The following RIT2 variants were observed in gnomAD, a reference collection of about 807,000 sequenced individuals.
RIT2 encodes the protein Ras like without CAAX 2.
Under a neutral mutation model 23.7 loss-of-function variants are expected in RIT2, and 24 were observed. That is an observed-to-expected ratio of 1.01 (90% CI 0.73 to 1.43). The LOEUF is 1.43. Ranked by LOEUF, RIT2 falls within the 40% of genes most tolerant of loss-of-function variation. The pLI is 0.00. For missense variants in RIT2, 236 were observed against 266.9 expected, an observed-to-expected ratio of 0.88 and a Z score of 0.81; for synonymous variants, 107 against 91.1, an observed-to-expected ratio of 1.17 and a Z score of -0.99.
chr18:43,061,149 G>T (rs1235542207), intron 1 of RIT2, among the ~76,000 whole-genome samples: 1 of 152,072 alleles, frequency 6.6e-6, no homozygotes, highest in Admixed American at 6.6e-5. Context: ...TTTCAAGTTT[G>T]CCAGATTCTA....
At chr18:42,935,635 A>G (rs1053476516) in intron 3 of RIT2, among the ~76,000 whole-genome samples, 1 of 152,136 alleles carries the variant, frequency 6.6e-6, no homozygotes, top group African/African-American at 2.4e-5. Context: ...AAGATATTAG[A>G]CATATTGTTA....
intron 4 of RIT2, among the ~76,000 whole-genome samples, chr18:42,868,911 T>C (rs1215868745): frequency 6.6e-6 from 1 of 152,184 alleles, no homozygotes; most frequent in East Asian, 1.9e-4. Flanking sequence ...CTGTGACAGA[T>C]GACAGTCCGG....
intron 1 of RIT2, among the ~76,000 whole-genome samples, chr18:43,086,205 T>A (rs936277980): frequency 1.3e-5 from 2 of 152,082 alleles, no homozygotes; most frequent in African/African-American, 4.8e-5. Flanking sequence ...ATCTTTTGAG[T>A]GTCATGTTAA....
chr18:42,869,856 A>G (rs1462491154), intron 4 of RIT2, among the ~76,000 whole-genome samples: 2 of 152,196 alleles, frequency 1.3e-5, no homozygotes, highest in Non-Finnish European at 2.9e-5. Flanking sequence ...GGGAAAGCTT[A>G]AAGGATAATG....
chr18:42,986,690 C>T (rs921592101), intron 2 of RIT2, among the ~76,000 whole-genome samples: 3 of 151,464 alleles, frequency 2.0e-5, no homozygotes, highest in East Asian at 2.0e-4. Flanking sequence ...TTAGTTGAGA[C>T]GAGGTTTCAC....
At chr18:43,026,456 A>C (rs559211071) in intron 2 of RIT2, among the ~76,000 whole-genome samples, 1 of 151,962 alleles carries the variant, frequency 6.6e-6, no homozygotes, top group Non-Finnish European at 1.5e-5. Context: ...TGGAAGGCTG[A>C]AGTAGGAGAA....
intron 4 of RIT2, among the ~76,000 whole-genome samples, chr18:42,922,375 C>T (rs942826332): frequency 6.6e-6 from 1 of 151,966 alleles, no homozygotes; most frequent in Non-Finnish European, 1.5e-5. Flanking sequence ...AATAGGCTAA[C>T]AATAAATCAT....
intron 4 of RIT2, among the ~76,000 whole-genome samples, chr18:42,868,645 T>C (rs1041872175): frequency 2.0e-5 from 3 of 152,010 alleles, no homozygotes; most frequent in African/African-American, 7.3e-5. Flanking sequence ...TATATGGAGG[T>C]GGAATATACA....
chr18:42,993,718 C>G (rs1229046284), intron 2 of RIT2, among the ~76,000 whole-genome samples: 1 of 152,036 alleles, frequency 6.6e-6, no homozygotes, highest in African/African-American at 2.4e-5. Flanking sequence ...ACCTTTCCCC[C>G]AGTTCAAAGC....
At position 42,985,486 on chromosome 18, in the gene RIT2, C is replaced by T. The variant is rs538200542; in HGVS notation, c.161-11339G>A. Among the ~76,000 whole-genome samples the T allele has an allele frequency of 2.6e-5, 4 of 152,168 alleles. No individual in the cohort carries two copies. The South Asian group carries it at 6.2e-4, about 24-fold the overall frequency. ...TCTTGGAAAAGGACAACAAGCTCTA[C>T]CATGTATTAAGACTTACTGTTAATT... is the stretch of plus-strand genomic sequence containing the variant. On this transcript the variant is annotated intron_variant, in intron 2 of 4. Coordinates refer to ENST00000326695, the MANE Select transcript of RIT2 (RefSeq NM_002930.4).
intron 4 of RIT2, among the ~76,000 whole-genome samples, chr18:42,813,554 A>G (rs889608071): frequency 3.3e-5 from 5 of 152,222 alleles, no homozygotes; most frequent in Non-Finnish European, 7.3e-5. Flanking sequence ...ACAGCCATAT[A>G]AGTCAATACT....
chr18:42,760,107 T>C (rs889490445), intron 4 of RIT2, among the ~76,000 whole-genome samples: 2 of 152,152 alleles, frequency 1.3e-5, no homozygotes, highest in Admixed American at 1.3e-4. Context: ...TCTCTAAGTG[T>C]CTTTGATAAT....
chr18:42,777,238 A>G (rs1209151865), intron 4 of RIT2, among the ~76,000 whole-genome samples: 1 of 151,248 alleles, frequency 6.6e-6, no homozygotes, highest in Non-Finnish European at 1.5e-5. Context: ...CTTCCAATGG[A>G]GAAGAAGAAA....
chr18:43,104,513 C>T (rs1002344760), intron 1 of RIT2, among the ~76,000 whole-genome samples: 1 of 151,678 alleles, frequency 6.6e-6, no homozygotes, highest in African/African-American at 2.4e-5. Context: ...TTGTATACAC[C>T]TATGAAAATA....
At chr18:42,794,000 T>C (rs1428252347) in intron 4 of RIT2, among the ~76,000 whole-genome samples, 1 of 150,392 alleles carries the variant, frequency 6.6e-6, no homozygotes, top group Non-Finnish European at 1.5e-5. Context: ...ACAATTAACT[T>C]TTTTTTTTTC....
chr18:43,103,131 C>G (rs1185332750), intron 1 of RIT2, among the ~76,000 whole-genome samples: 1 of 152,124 alleles, frequency 6.6e-6, no homozygotes, highest in East Asian at 1.9e-4. Context: ...TGTTCCCAAG[C>G]CACACCCTTA....
intron 4 of RIT2, among the ~76,000 whole-genome samples, chr18:42,900,867 A>C (rs1908458209): frequency 2.6e-5 from 4 of 152,112 alleles, no homozygotes; most frequent in Admixed American, 2.6e-4. Flanking sequence ...TGAATGTTTA[A>C]CAGTGGCTCT....
At chr18:42,933,237 A>C (rs1909370536) in intron 3 of RIT2, among the ~76,000 whole-genome samples, 1 of 152,176 alleles carries the variant, frequency 6.6e-6, no homozygotes, top group African/African-American at 2.4e-5. Context: ...GAGTTTGTGA[A>C]TACTAATGAG....
At chr18:43,061,008 G>A (rs1373546669) in intron 1 of RIT2, among the ~76,000 whole-genome samples, 2 of 151,998 alleles carry the variant, frequency 1.3e-5, no homozygotes, top group Non-Finnish European at 2.9e-5. Context: ...CTCATTTAAT[G>A]TATTATAACA....
Sources: allele counts gnomAD v4.1 joint callset (sites outside exome capture counted in the v4.1 genomes callset), GRCh38; gene constraint gnomAD v4.1.1; transcripts MANE v1.5; gene names NCBI Gene and HGNC (gene_info 2026-07-23, HGNC 2026-07-21).